TRMT11: variants seen among roughly 807,000 people sequenced by gnomAD.
TRMT11 encodes tRNA (guanine(10)-N(2))-methyltransferase TRMT11.
TRMT11 carries 53 observed loss-of-function variants against 62.8 expected under a neutral mutation model. That is an observed-to-expected ratio of 0.84 (90% confidence interval 0.68 to 1.06). TRMT11 has a LOEUF of 1.06. TRMT11 is among the 50% of genes least tolerant of loss of function. The pLI, the probability that TRMT11 is intolerant of heterozygous loss-of-function variation, is 0.00. For missense variants in TRMT11, 556 were observed against 553.4 expected, an observed-to-expected ratio of 1.00 and a Z score of -0.05; for synonymous variants, 188 against 190.3, an observed-to-expected ratio of 0.99 and a Z score of 0.10.
chr6:126,123,170 T>C (rs535764512), intron 21 of TRMT11, among the ~76,000 whole-genome samples: 2 of 152,206 alleles, frequency 1.3e-5, no homozygotes, highest in South Asian at 4.1e-4. Context: ...GTGCCTAGTA[T>C]ATAGTAAGCC....
At chr6:126,120,485 G>A (rs563895406) in intron 21 of TRMT11, among the ~76,000 whole-genome samples, 1 of 152,010 alleles carries the variant, frequency 6.6e-6, no homozygotes, top group Non-Finnish European at 1.5e-5. Context: ...TTGTGTCAAC[G>A]TTACAAACCT....
At chr6:126,256,663 G>A in the TRMT11 span, among the ~76,000 whole-genome samples, 2 of 152,132 alleles carry the variant, frequency 1.3e-5, no homozygotes, top group Non-Finnish European at 2.9e-5. Context: ...GGGGAAAGTG[G>A]GAGGCACATA....
At chr6:126,164,160 T>G (rs562300089) in intron 21 of TRMT11, among the ~76,000 whole-genome samples, 1 of 152,364 alleles carries the variant, frequency 6.6e-6, no homozygotes, top group Non-Finnish European at 1.5e-5. Context: ...TCCCAGAGAT[T>G]CTGGCATGTT....
chr6:126,151,814 C>CTTTCTTTCTTTAGTTTCCTT (rs1778047091), intron 21 of TRMT11, among the ~76,000 whole-genome samples: 3 of 90,774 alleles, frequency 3.3e-5, no homozygotes, highest in African/African-American at 1.3e-4. Flanking sequence ...TCTTTTCTTT[C>CTTTCTTTCTTTAGTTTCCTT]TTTCTTTCTT....
At chr6:126,012,451 C>T (rs1794356052) in intron 9 of TRMT11, among the ~76,000 whole-genome samples, 1 of 152,138 alleles carries the variant, frequency 6.6e-6, no homozygotes, top group Admixed American at 6.6e-5. Flanking sequence ...TCAGTAATAG[C>T]TTTTATGGCA....
chr6:126,075,962 G>C (rs1777010266), intron 17 of TRMT11, among the ~76,000 whole-genome samples: 1 of 152,162 alleles, frequency 6.6e-6, no homozygotes, highest in African/African-American at 2.4e-5. Context: ...GGGCCCCAAG[G>C]AACTGCAGGG....
At chr6:126,183,825 C>T (rs559011756) in intron 1 of TRMT11, among the ~76,000 whole-genome samples, 4 of 108,400 alleles carry the variant, frequency 3.7e-5, no homozygotes, top group Admixed American at 1.2e-4. Context: ...GGGGACGATA[C>T]GTGGGGAAGG....
chr6:126,000,899 A>G (rs1023854202), intron 7 of TRMT11, among the ~76,000 whole-genome samples: 25 of 152,190 alleles, frequency 1.6e-4, no homozygotes, highest in African/African-American at 5.8e-4. Context: ...TGGAAATAAT[A>G]TCAAACTTTC....
intron 1 of TRMT11, among the ~76,000 whole-genome samples, chr6:126,184,842 A>C (rs929417270): frequency 2.0e-5 from 3 of 152,190 alleles, no homozygotes; most frequent in African/African-American, 7.2e-5. Context: ...CATAGTAACT[A>C]GGGTTAAATG....
chr6:126,128,845 A>T (rs1309930877), intron 21 of TRMT11, among the ~76,000 whole-genome samples: 1 of 151,856 alleles, frequency 6.6e-6, no homozygotes. Context: ...AAGAAGAAAA[A>T]CCTGATTACT....
the TRMT11 span, among the ~76,000 whole-genome samples, chr6:126,264,082 TA>T: frequency 1.3e-5 from 2 of 152,120 alleles, no homozygotes; most frequent in African/African-American, 4.8e-5. Flanking sequence ...TACTGATCAT[TA>T]ACACGTGCCT....
At chr6:126,014,490 C>T (rs1022448823) in intron 11 of TRMT11, among the ~76,000 whole-genome samples, 1 of 152,140 alleles carries the variant, frequency 6.6e-6, no homozygotes, top group Non-Finnish European at 1.5e-5. Context: ...ACCTCATGAT[C>T]CACCCACCTC....
chr6:126,051,492 A>G (rs1416304775), intron 16 of TRMT11, among the ~76,000 whole-genome samples: 2 of 152,186 alleles, frequency 1.3e-5, no homozygotes, highest in African/African-American at 4.8e-5. Context: ...GGGAAGCCAT[A>G]TTATCAGACT....
chr6:126,188,970 G>A (rs1042432934), intron 1 of TRMT11, among the ~76,000 whole-genome samples: 5 of 152,042 alleles, frequency 3.3e-5, no homozygotes, highest in African/African-American at 1.2e-4. Context: ...AAAGAAAAGG[G>A]TAAAAGCAAT....
chr6:126,094,118 C>CT (rs1562321584), intron 17 of TRMT11, among the ~76,000 whole-genome samples: 8 of 151,966 alleles, frequency 5.3e-5, no homozygotes, highest in African/African-American at 1.7e-4. Flanking sequence ...CACACACACC[C>CT]CAAACTTAGA....
At chr6:126,257,965 T>C in the TRMT11 span, 1 of 1,562,154 alleles carries the variant, frequency 6.4e-7, no homozygotes, top group Non-Finnish European at 8.8e-7. Context: ...CCCCGGATCT[T>C]GTCCAGCAGG....
intron 1 of TRMT11, among the ~76,000 whole-genome samples, chr6:125,991,558 C>T (rs540505315): frequency 6.6e-4 from 101 of 152,152 alleles, no homozygotes; most frequent in African/African-American, 2.4e-3. Flanking sequence ...CTCTTTGCCT[C>T]GGCCTCCCAA....
intron 17 of TRMT11, among the ~76,000 whole-genome samples, chr6:126,094,109 A>G (rs757572045): frequency 2.4e-4 from 37 of 152,020 alleles, no homozygotes; most frequent in Non-Finnish European, 5.0e-4. Flanking sequence ...ACACACACAC[A>G]CACACACCCC....
intron 1 of TRMT11, among the ~76,000 whole-genome samples, chr6:126,189,111 G>A (rs1255928288): frequency 1.3e-5 from 2 of 152,100 alleles, no homozygotes; most frequent in African/African-American, 4.8e-5. Context: ...GGGATTTGGC[G>A]AAGGGGTTAA....
Sources: allele counts gnomAD v4.1 joint callset (sites outside exome capture counted in the v4.1 genomes callset), GRCh38; gene constraint gnomAD v4.1.1; transcripts MANE v1.5; gene names NCBI Gene and HGNC (gene_info 2026-07-23, HGNC 2026-07-21).